The following GMDS variants were observed in gnomAD, a reference collection of about 807,000 sequenced individuals.
The protein encoded by GMDS is GDP-mannose 4,6-dehydratase.
Under a neutral mutation model 49.9 loss-of-function variants are expected in GMDS, and 20 were observed. The observed-to-expected ratio is 0.40, with a 90% CI of 0.28 to 0.58. The LOEUF (loss-of-function observed/expected upper bound fraction) is 0.58, where lower values mean the gene tolerates loss of function less well. Ranked by LOEUF, GMDS falls within the 20% of genes least tolerant of loss-of-function variation. GMDS has a pLI of 0.42. For synonymous variants in GMDS, 177 were observed against 178.6 expected (o/e 0.99, Z 0.07); for missense variants, 362 against 481.4 (o/e 0.75, Z 2.32).
intron 7 of GMDS, among the ~76,000 whole-genome samples, chr6:1,840,331 C>T (rs1042685012): frequency 6.6e-6 from 1 of 152,230 alleles, no homozygotes; most frequent in Non-Finnish European, 1.5e-5. Flanking sequence ...CCAGAACATA[C>T]ATCACGTGCC....
At chr6:1,913,013 T>C (rs1761149043) in intron 7 of GMDS, among the ~76,000 whole-genome samples, 1 of 152,238 alleles carries the variant, frequency 6.6e-6, no homozygotes, top group Admixed American at 6.5e-5. Flanking sequence ...AATTTGCTCA[T>C]TGTTTATTGT....
chr6:1,731,715 C>A (rs1766815734), intron 8 of GMDS, among the ~76,000 whole-genome samples: 2 of 152,162 alleles, frequency 1.3e-5, no homozygotes, highest in African/African-American at 4.8e-5. Context: ...CTTTACCAAA[C>A]CAAGTAGTCT....
chr6:2,224,440 A>G (rs922615126), intron 1 of GMDS, among the ~76,000 whole-genome samples: 1 of 152,248 alleles, frequency 6.6e-6, no homozygotes, highest in Non-Finnish European at 1.5e-5. Flanking sequence ...TTTGGTGATG[A>G]TGTTGGAAAC....
intron 7 of GMDS, among the ~76,000 whole-genome samples, chr6:1,916,373 C>A (rs531064293): frequency 1.3e-5 from 2 of 151,888 alleles, no homozygotes; most frequent in Non-Finnish European, 2.9e-5. Flanking sequence ...ATGCCATTAG[C>A]GCAGATTCTC....
chr6:2,084,053 T>C (rs761682456), intron 4 of GMDS, among the ~76,000 whole-genome samples: 6 of 152,220 alleles, frequency 3.9e-5, no homozygotes, highest in African/African-American at 1.2e-4. Context: ...ATGCCCTCTA[T>C]ATGCAAAATA....
At chr6:2,152,530 A>C (rs2127538785) in intron 1 of GMDS, among the ~76,000 whole-genome samples, 1 of 152,258 alleles carries the variant, frequency 6.6e-6, no homozygotes, top group East Asian at 1.9e-4. Flanking sequence ...TGAACACTTA[A>C]AATGGAGTTA....
chr6:2,191,952 A>G lies in GMDS; in HGVS notation c.102+53369T>C, dbSNP rs1581775162. Among the ~76,000 whole-genome samples the G allele has an allele frequency of 6.6e-6, 1 of 151,924 alleles. No homozygotes were observed. Among genetic ancestry groups the G allele is most frequent in the Non-Finnish European group, 1.5e-5 (1 of 67,930 alleles). ...GACTTTTCTGGGCCTGCCCATGACC[A>G]CCCATGGACCAACTGGCACACACTT... On this transcript the variant is annotated intron_variant, in intron 1 of 10. Transcript: ENST00000380815. The surrounding 1 kb of genome is among the most constrained non-coding windows in gnomAD (Gnocchi z 4.6).
chr6:2,227,881 C>T (rs564775102), intron 1 of GMDS, among the ~76,000 whole-genome samples: 7 of 152,358 alleles, frequency 4.6e-5, no homozygotes, highest in African/African-American at 1.4e-4. Flanking sequence ...CTTCCAACTT[C>T]AGTTCTGTGG....
At chr6:1,710,427 T>G (rs975113100) in intron 9 of GMDS, among the ~76,000 whole-genome samples, 2 of 152,244 alleles carry the variant, frequency 1.3e-5, no homozygotes, top group African/African-American at 4.8e-5. Context: ...CCCTAAACCC[T>G]GAGCAGCCAC....
intron 4 of GMDS, among the ~76,000 whole-genome samples, chr6:1,975,128 T>A (rs745472180): frequency 3.9e-5 from 6 of 152,036 alleles, no homozygotes; most frequent in Non-Finnish European, 8.8e-5. Flanking sequence ...ATTTTCATAG[T>A]GAAAAATCTA....
chr6:1,893,197 T>TC (rs1164429360), intron 7 of GMDS, among the ~76,000 whole-genome samples: 4 of 147,704 alleles, frequency 2.7e-5, no homozygotes, highest in African/African-American at 9.9e-5. Context: ...TGTTTTCTTT[T>TC]TTTTTTTTTT....
At chr6:1,961,064 T>C (rs1763915411) in intron 4 of GMDS, 98 bp from the exon 5 acceptor site, 2 of 585,866 alleles carry the variant, frequency 3.4e-6, no homozygotes, top group Non-Finnish European at 5.7e-6. Flanking sequence ...CACTGTGAAA[T>C]GTTGGTGAGA....
chr6:2,003,469 T>C (rs570471017), intron 4 of GMDS, among the ~76,000 whole-genome samples: 33 of 152,238 alleles, frequency 2.2e-4, no homozygotes, highest in Non-Finnish European at 4.0e-4. Flanking sequence ...TAGCAAGCAC[T>C]TGTCATTTAT....
At chr6:2,066,252 G>C (rs1378957242) in intron 4 of GMDS, among the ~76,000 whole-genome samples, 1 of 149,970 alleles carries the variant, frequency 6.7e-6, no homozygotes, top group Admixed American at 6.7e-5. Context: ...TGCCCTAAAA[G>C]AGCTCCTGAA....
intron 4 of GMDS, among the ~76,000 whole-genome samples, chr6:2,026,170 A>G (rs997127967): frequency 6.6e-6 from 1 of 152,178 alleles, no homozygotes; most frequent in African/African-American, 2.4e-5. Context: ...AAAGGCCACC[A>G]CCTGGTCCTA....
At chr6:1,811,572 T>C (rs933643490) in intron 7 of GMDS, among the ~76,000 whole-genome samples, 2 of 151,590 alleles carry the variant, frequency 1.3e-5, no homozygotes, top group Admixed American at 6.6e-5. Context: ...TTTTTTTTTT[T>C]TCAACTGAAG....
intron 1 of GMDS, among the ~76,000 whole-genome samples, chr6:2,214,238 G>C (rs1780211266): frequency 6.6e-6 from 1 of 152,126 alleles, no homozygotes; most frequent in South Asian, 2.1e-4. Flanking sequence ...ATGAAACCAA[G>C]TCATTAAAAA....
At chr6:1,892,950 G>A (rs1163797052) in intron 7 of GMDS, among the ~76,000 whole-genome samples, 2 of 152,130 alleles carry the variant, frequency 1.3e-5, no homozygotes, top group African/African-American at 4.8e-5. Flanking sequence ...CCAGCGGCCT[G>A]TGCAGAGTTC....
intron 7 of GMDS, among the ~76,000 whole-genome samples, chr6:1,820,079 T>C (rs1463679691): frequency 6.6e-6 from 1 of 151,962 alleles, no homozygotes; most frequent in Non-Finnish European, 1.5e-5. Context: ...TATTGTACAT[T>C]TTCTAGTTTT....
Sources: gnomAD v4.1 joint callset for allele counts (sites outside exome capture counted in the v4.1 genomes callset) on GRCh38, gnomAD v4.1.1 for gene constraint, Gnocchi (gnomAD v3.1) non-coding constraint, MANE v1.5 for transcripts, NCBI Gene and HGNC (gene_info 2026-07-23, HGNC 2026-07-21) for gene names.